AMZ1: variants seen among roughly 807,000 people sequenced by gnomAD.
The protein encoded by AMZ1 is archaemetzincin-1.
AMZ1 carries 39 observed loss-of-function variants against 29.9 expected under a neutral mutation model. The ratio of observed to expected loss-of-function variants is 1.30; its 90% CI spans 1.01 to 1.70. The LOEUF (loss-of-function observed/expected upper bound fraction) is 1.70, where lower values mean the gene tolerates loss of function less well. Ranked by LOEUF, AMZ1 falls within the 40% of genes most tolerant of loss-of-function variation. AMZ1 has a pLI of 0.00. For missense variants in AMZ1, 1,041 were observed against 680.6 expected (o/e 1.53, Z -5.89); for synonymous variants, 458 against 304.0 (o/e 1.51, Z -5.27).
At chr7:2,764,009 C>G (rs1791696843), upstream of AMZ1, among the ~76,000 whole-genome samples, 1 of 152,182 alleles carries the variant, frequency 6.6e-6, no homozygotes, top group African/African-American at 2.4e-5. Flanking sequence ...TGAGGCTTGC[C>G]TATACTTTCT....
chr7:2,709,509 G>A lies in AMZ1; in HGVS notation c.772-131G>A, dbSNP rs1009765381. 2.6e-5 allele frequency: 36 copies of A among 1,381,536 alleles called. No individual in the cohort carries two copies. The African/African-American group carries it at 2.6e-4, about 10-fold the overall frequency. The allele number at this position is 1,381,536 out of a possible 1,614,324, so 85.6% of individuals were successfully genotyped here. ...CCTGTGCCGCCTGGGGCAGGGGGAG[G>A]GCGCCTGGACCACCTCCCGGCCATC... On this transcript the variant is annotated intron_variant, in intron 5 of 6. Transcript: ENST00000683327.
At chr7:2,692,777 C>G (rs1460835219) in intron 1 of AMZ1, among the ~76,000 whole-genome samples, 1 of 152,200 alleles carries the variant, frequency 6.6e-6, no homozygotes. Context: ...TTCCCCACCT[C>G]ACCCAGAGCA....
chr7:2,683,026 G>C (rs977810282), intron 1 of AMZ1, among the ~76,000 whole-genome samples: 1 of 152,248 alleles, frequency 6.6e-6, no homozygotes, highest in African/African-American at 2.4e-5. Flanking sequence ...GCTGCAGAGA[G>C]GCCAAGCCCC....
chr7:2,760,830 G>A (rs949429329), upstream of AMZ1, among the ~76,000 whole-genome samples: 7 of 152,228 alleles, frequency 4.6e-5, no homozygotes, highest in African/African-American at 1.7e-4. Context: ...CCAGAGGTTA[G>A]CTTGTCTGCA....
At chr7:2,738,887 T>G (rs537165384) in intron 4 of AMZ1, among the ~76,000 whole-genome samples, 12 of 152,342 alleles carry the variant, frequency 7.9e-5, no homozygotes, top group Admixed American at 2.6e-4. Context: ...AGCTGGCCCC[T>G]GACTCTGGCC....
intron 4 of AMZ1, among the ~76,000 whole-genome samples, chr7:2,744,296 G>A (rs1348663574): frequency 6.6e-6 from 1 of 152,160 alleles, no homozygotes; most frequent in Non-Finnish European, 1.5e-5. Context: ...CACCTCACAC[G>A]GCCGGGTACT....
chr7:2,690,109 T>C (rs2041343), intron 1 of AMZ1, among the ~76,000 whole-genome samples: 92,434 of 152,008 alleles, frequency 0.61, 29,969 homozygotes, highest in African/African-American at 0.84. Flanking sequence ...GTACCCGTGT[T>C]AAGGGATGGA....
At position 2,751,110 on chromosome 7, in the gene AMZ1, G is replaced by A. The variant is rs545498148; in HGVS notation, n.551-13602G>A. ...TGCTTTACATGCTTATATTAGGGCC[G>A]GGCCCGGGGGCACACACTTGTAACC... On this transcript the variant is annotated intron_variant and non_coding_transcript_variant, in intron 4 of 4. Transcript: ENST00000489665. Among the ~76,000 whole-genome samples the A allele has an allele frequency of 1.4e-3, 216 of 152,140 alleles. 2 individuals are homozygous for A. The highest frequency in any genetic ancestry group is 4.7e-3 in the African/African-American group (196 of 41,504).
intron 4 of AMZ1, among the ~76,000 whole-genome samples, chr7:2,736,731 G>C (rs962856703): frequency 6.6e-6 from 1 of 152,236 alleles, no homozygotes; most frequent in Non-Finnish European, 1.5e-5. Flanking sequence ...TCCGGTGGGA[G>C]AAAGACACAC....
rs746126336 is a variant in AMZ1, at chr7:2,715,977, C to T, written c.*3099C>T. 2.6e-5 allele frequency: 4 copies of T among 152,240 alleles called. No homozygotes were observed. The highest frequency in any genetic ancestry group is 1.9e-4 in the East Asian group (1 of 5,202). 9.4% of individuals were successfully genotyped at this position (152,240 alleles called of 1,614,324 possible). A position where few individuals can be genotyped will look rare whatever the true frequency, so the allele number is the denominator to read the frequency against. On this transcript the variant is annotated 3_prime_UTR_variant, in exon 7 of 7. Transcript: ENST00000683327. The stretch of plus-strand genomic sequence containing the variant: ...GCTTTCTCGTCTCATCTGTCAGAAG[C>T]CCCTGCATTCACAAGGATGGGTCTT...
chr7:2,750,567 A>C (rs1202274856), intron 4 of AMZ1, among the ~76,000 whole-genome samples: 1 of 152,242 alleles, frequency 6.6e-6, no homozygotes, highest in Non-Finnish European at 1.5e-5. Context: ...GAACAATTGT[A>C]ACAACACACT....
intron 1 of AMZ1, among the ~76,000 whole-genome samples, chr7:2,693,508 TA>T (rs1436163211): frequency 2.0e-5 from 3 of 152,062 alleles, no homozygotes; most frequent in African/African-American, 7.2e-5. Flanking sequence ...GCCTCTCGAG[TA>T]ACTAGGACCA....
intron 4 of AMZ1, among the ~76,000 whole-genome samples, chr7:2,726,734 G>T (rs909001395): frequency 6.6e-6 from 1 of 152,262 alleles, no homozygotes; most frequent in South Asian, 2.1e-4. Context: ...GTTTGGGCAA[G>T]AAGAGAGATG....
At chr7:2,685,081 G>A (rs574161283), upstream of AMZ1, among the ~76,000 whole-genome samples, 11 of 151,704 alleles carry the variant, frequency 7.3e-5, no homozygotes, top group South Asian at 6.2e-4. Context: ...GTGTTAGCCA[G>A]GATGGTCTTG....
chr7:2,703,709 C>G (rs1788191727), intron 3 of AMZ1, among the ~76,000 whole-genome samples: 1 of 152,206 alleles, frequency 6.6e-6, no homozygotes, highest in African/African-American at 2.4e-5. Context: ...ATACTCTCAG[C>G]CATTGCTGCT....
chr7:2,733,085 G>A (rs1789982280), intron 4 of AMZ1, among the ~76,000 whole-genome samples: 1 of 152,210 alleles, frequency 6.6e-6, no homozygotes, highest in African/African-American at 2.4e-5. Flanking sequence ...CCGGAGGCCG[G>A]GGGAGGGCTG....
At chr7:2,691,469 G>T (rs1275595389) in intron 1 of AMZ1, among the ~76,000 whole-genome samples, 1 of 148,862 alleles carries the variant, frequency 6.7e-6, no homozygotes. Flanking sequence ...TGGGCCGGGC[G>T]CGGTGGCTCA....
chr7:2,736,214 TAA>T (rs919913646), intron 4 of AMZ1, among the ~76,000 whole-genome samples: 2 of 152,160 alleles, frequency 1.3e-5, no homozygotes, highest in African/African-American at 4.8e-5. Context: ...GGTGGGTTTA[TAA>T]AGAGGCACTG....
chr7:2,686,929 G>A (rs953631534), upstream of AMZ1, among the ~76,000 whole-genome samples: 3 of 151,510 alleles, frequency 2.0e-5, no homozygotes, highest in African/African-American at 7.3e-5. Flanking sequence ...TGGCCAGGCC[G>A]GTCTTGAACT....
Sources: gnomAD v4.1 joint callset for allele counts (sites outside exome capture counted in the v4.1 genomes callset) on GRCh38, gnomAD v4.1.1 for gene constraint, MANE v1.5 for transcripts, NCBI Gene and HGNC (gene_info 2026-07-23, HGNC 2026-07-21) for gene names.